Variants in URM1 observed in about 807,000 individuals in gnomAD.
The protein encoded by URM1 is ubiquitin-related modifier 1.
A neutral mutation model predicts 17.7 loss-of-function variants in URM1; 11 were observed. The observed-to-expected ratio is 0.62, with a 90% CI of 0.39 to 1.03. The LOEUF is 1.03. Ranked by LOEUF, URM1 falls within the 50% of genes least tolerant of loss-of-function variation. The probability of loss-of-function intolerance (pLI) is 0.00; values close to 1 mark genes in which losing one functional copy is unlikely to be tolerated. For synonymous variants in URM1, 48 were observed against 50.6 expected (o/e 0.95, Z 0.22); for missense variants, 128 against 129.2 (o/e 0.99, Z 0.04).
At chr9:128,373,661 C>T (rs1170247650) in intron 1 of URM1, among the ~76,000 whole-genome samples, 1 of 152,172 alleles carries the variant, frequency 6.6e-6, no homozygotes, top group African/African-American at 2.4e-5. Flanking sequence ...TGTTTTGTGT[C>T]CCTGTGGTCC....
At chr9:128,383,039 C>A (rs1370625818) in intron 2 of URM1, among the ~76,000 whole-genome samples, 1 of 152,130 alleles carries the variant, frequency 6.6e-6, no homozygotes, top group Non-Finnish European at 1.5e-5. Context: ...TAAAGGGTGG[C>A]TGGTGAGGGA....
At chr9:128,375,440 GT>G (rs904026230) in intron 1 of URM1, among the ~76,000 whole-genome samples, 7 of 152,186 alleles carry the variant, frequency 4.6e-5, no homozygotes, top group African/African-American at 1.7e-4. Context: ...GCCAGGCATG[GT>G]GGCCCACACC....
intron 3 of URM1, chr9:128,388,804 CT>C: frequency 1.0e-6 from 1 of 989,746 alleles, no homozygotes; most frequent in Non-Finnish European, 1.2e-6. Flanking sequence ...ATGCAGAGGC[CT>C]AAAAAAAAGC....
intron 2 of URM1, among the ~76,000 whole-genome samples, chr9:128,381,236 C>T (rs541039818): frequency 5.3e-5 from 8 of 152,314 alleles, no homozygotes; most frequent in Admixed American, 2.0e-4. Flanking sequence ...AGATGTGGTC[C>T]TTGCCCTAGT....
At chr9:128,386,503 G>A (rs992154967) in intron 2 of URM1, among the ~76,000 whole-genome samples, 3 of 152,264 alleles carry the variant, frequency 2.0e-5, no homozygotes, top group African/African-American at 7.2e-5. Context: ...GTGGCCCTGT[G>A]CTTTGCTGGC....
intron 2 of URM1, among the ~76,000 whole-genome samples, chr9:128,380,334 G>T (rs1833142897): frequency 6.6e-6 from 1 of 152,146 alleles, no homozygotes; most frequent in African/African-American, 2.4e-5. Flanking sequence ...CTGGGGGGGG[G>T]ACACTTACTG....
intron 2 of URM1, among the ~76,000 whole-genome samples, chr9:128,383,100 T>G (rs1172245389): frequency 2.0e-5 from 3 of 152,148 alleles, no homozygotes; most frequent in African/African-American, 7.2e-5. Context: ...TAGCATGCAT[T>G]TCACAGCCTC....
intron 3 of URM1, chr9:128,388,623 C>T (rs1833260744): frequency 1.0e-6 from 1 of 986,368 alleles, no homozygotes; most frequent in East Asian, 1.1e-4. Flanking sequence ...TGGAGGCCAC[C>T]TCTAAGGCCA....
chr9:128,371,397 C>T lies in URM1; in HGVS notation c.17C>T (p.Ser6Leu), dbSNP rs771898281. 14 of 1,612,792 alleles carry T rather than the reference C, an allele frequency of 8.7e-6. No individual in the cohort carries two copies. In the Admixed American group the frequency reaches 1.5e-4, roughly 17 times the overall value. ...TTCCTCAACATGGCTGCGCCCTTGT[C>T]AGTGGAGGTGGAGTTCGGGTGAGTC... MAAPLSVEVEFGGGAE... is the reference protein window; with the variant it reads MAAPLLVEVEFGGGAE... Residue 6 changes from serine to leucine, a missense_variant, in exon 1 of 5, where the codon TCA becomes TTA. Transcript: ENST00000372853.
intron 1 of URM1, among the ~76,000 whole-genome samples, chr9:128,372,233 T>C (rs1380668761): frequency 1.3e-5 from 2 of 152,128 alleles, no homozygotes; most frequent in Non-Finnish European, 2.9e-5. Context: ...TGGTGTACTT[T>C]ACAGTATCAC....
chr9:128,371,418 G>A lies in URM1; in HGVS notation c.35+3G>A, dbSNP rs1230509658. The A allele has an allele frequency of 1.9e-6, 3 of 1,613,004 alleles. No homozygotes were observed. Among genetic ancestry groups the A allele is most frequent in the Non-Finnish European group, 2.5e-6 (3 of 1,179,230 alleles). ...TTGTCAGTGGAGGTGGAGTTCGGGT[G>A]AGTCACAGAGCTGGGGCGCCGTGGG... On this transcript the variant is annotated splice_donor_region_variant and intron_variant, in intron 1 of 4. Coordinates refer to ENST00000372853, the MANE Select transcript of URM1 (RefSeq NM_030914.4).
At chr9:128,378,559 A>G (rs1372058044) in intron 2 of URM1, among the ~76,000 whole-genome samples, 1 of 146,292 alleles carries the variant, frequency 6.8e-6, no homozygotes, top group African/African-American at 2.7e-5. Flanking sequence ...AAAAAAAAAA[A>G]AAAAAAAAAA....
In URM1 at chr9:128,387,850, G is replaced by T. The variant is rs1833248120; in HGVS notation, c.141G>T (p.Lys47Asn). ...DIRNLLIWIKKNLLKERPELF... is the reference protein window; with the variant it reads ...DIRNLLIWIKNNLLKERPELF... ...GGAACCTGCTCATCTGGATCAAGAAGAATTTGCTAAAAGAGCGGCCAGAGT... is the reference window on the plus strand; with the variant it reads ...GGAACCTGCTCATCTGGATCAAGAATAATTTGCTAAAAGAGCGGCCAGAGT... The change falls in exon 3 of 5, where the codon AAG (lysine) becomes AAT (asparagine). Residue 47 changes from lysine (K) to asparagine (N), a missense_variant. By Grantham distance (94) the Lys-to-Asn change is moderately conservative. Transcript: ENST00000372853. The surrounding 1 kb of genome is among the most constrained non-coding windows in gnomAD (Gnocchi z 4.3). 1.2e-6 allele frequency: 2 copies of T among 1,614,168 alleles called. No homozygotes were observed. Among genetic ancestry groups the T allele is most frequent in the East Asian group, 2.2e-5 (1 of 44,878 alleles).
intron 1 of URM1, among the ~76,000 whole-genome samples, chr9:128,372,857 T>G (rs1221801929): frequency 6.6e-6 from 1 of 151,822 alleles, no homozygotes; most frequent in Non-Finnish European, 1.5e-5. Flanking sequence ...GAGGACTGCT[T>G]GAGCCCAAGA....
At position 128,378,103 on chromosome 9, in the gene URM1, C is replaced by A; in HGVS notation, c.103C>A (p.Pro35Thr). Residue 35 changes from proline to threonine, a missense_variant, in exon 2 of 5, where the codon CCC becomes ACC. Coordinates refer to ENST00000372853, the MANE Select transcript of URM1 (RefSeq NM_030914.4). ...AGTCACTTTGCCTGGACAGGAGGAA[C>A]CCTGTGAGTATTGGCTTTCTGAACC... ...HRVTLPGQEE[P>T]WDIRNLLIWI... 10 of 1,602,406 alleles carry A rather than the reference C, an allele frequency of 6.2e-6. No homozygotes were observed. Among genetic ancestry groups the A allele is most frequent in the South Asian group, 1.1e-5 (1 of 89,452 alleles).
In URM1 at chr9:128,389,294, C is replaced by T. The variant is rs752494216; in HGVS notation, c.222C>T (p.Ala74=). Residue 74 remains alanine, a synonymous_variant, in exon 4 of 5, where the codon GCC becomes GCT. Transcript: ENST00000372853. Reference sequence around the variant, plus strand: ...GAATTCTGGTGCTGATTAACGATGCCGACTGGGAGCTACTGGTCAGTACCT... The same window carrying T: ...GAATTCTGGTGCTGATTAACGATGCTGACTGGGAGCTACTGGTCAGTACCT... The part of the protein sequence containing the change: ...RPGILVLIND[A]DWELLGELDY... 21 of 1,609,088 alleles carry T rather than the reference C, an allele frequency of 1.3e-5. No homozygotes were observed. Among genetic ancestry groups the T allele is most frequent in the Non-Finnish European group, 1.6e-5 (19 of 1,177,026 alleles).
intron 2 of URM1, among the ~76,000 whole-genome samples, chr9:128,380,720 C>T (rs920642803): frequency 2.0e-5 from 3 of 151,810 alleles, no homozygotes; most frequent in South Asian, 2.1e-4. Context: ...GCTGCAACCC[C>T]CACCTCCTGG....
intron 2 of URM1, among the ~76,000 whole-genome samples, chr9:128,384,923 C>T (rs534208170): frequency 1.3e-5 from 2 of 152,168 alleles, no homozygotes; most frequent in Admixed American, 6.5e-5. Context: ...CCCTACCTCC[C>T]CAGTTGTCCA....
chr9:128,375,227 G>A (rs1833061680), intron 1 of URM1, among the ~76,000 whole-genome samples: 1 of 152,212 alleles, frequency 6.6e-6, no homozygotes, highest in South Asian at 2.1e-4. Flanking sequence ...GTTGTTCTTA[G>A]TTGATGCCAG....
Sources: allele counts gnomAD v4.1 joint callset (sites outside exome capture counted in the v4.1 genomes callset), GRCh38; gene constraint gnomAD v4.1.1; non-coding constraint Gnocchi (gnomAD v3.1); transcripts MANE v1.5; gene names NCBI Gene and HGNC (gene_info 2026-07-23, HGNC 2026-07-21).